The following KDM2A variants were observed in gnomAD, a reference collection of about 807,000 sequenced individuals.
KDM2A encodes lysine-specific demethylase 2A.
A neutral mutation model predicts 137.3 loss-of-function variants in KDM2A; 3 were observed. The observed-to-expected ratio is 0.02, with a 90% CI of 0.01 to 0.06. The LOEUF is 0.06. Among genes scored for constraint, KDM2A ranks in the 10% least tolerant of loss-of-function variants. KDM2A has a pLI of 1.00. For missense variants in KDM2A, 738 were observed against 1,510.6 expected (o/e 0.49, Z 8.48); for synonymous variants, 512 against 541.5 (o/e 0.95, Z 0.76).
intron 17 of KDM2A, among the ~76,000 whole-genome samples, chr11:67,251,228 A>C (rs1162448486): frequency 6.6e-6 from 1 of 152,062 alleles, no homozygotes; most frequent in Non-Finnish European, 1.5e-5. Flanking sequence ...TGACTCAATT[A>C]CCTCTCCATT....
In KDM2A at chr11:67,257,803, C is replaced by A. The variant is rs1239343095; in HGVS notation, c.*2748C>A. 1 of 152,048 alleles carries A rather than the reference C, an allele frequency of 6.6e-6. No individual in the cohort carries two copies. Among genetic ancestry groups the A allele is most frequent in the Non-Finnish European group, 1.5e-5 (1 of 68,020 alleles). The allele number at this position is 152,048 out of a possible 1,614,324, so 9.4% of individuals were successfully genotyped here. A position where few individuals can be genotyped will look rare whatever the true frequency, so the allele number is the denominator to read the frequency against. On this transcript the variant is annotated 3_prime_UTR_variant, in exon 21 of 21. Transcript: ENST00000529006. The stretch of plus-strand genomic sequence containing the variant: ...AAATGTAAGCATTAAGGGGATAAGT[C>A]TTATGCTATCTCAGTTGACACATTG...
intron 2 of KDM2A, among the ~76,000 whole-genome samples, chr11:67,176,281 A>G (rs1417368268): frequency 6.6e-6 from 1 of 152,118 alleles, no homozygotes; most frequent in African/African-American, 2.4e-5. Flanking sequence ...GCCCTTTCAC[A>G]GACTTCTACT....
At chr11:67,211,962 A>G (rs1044667160) in intron 6 of KDM2A, among the ~76,000 whole-genome samples, 3 of 152,156 alleles carry the variant, frequency 2.0e-5, no homozygotes, top group African/African-American at 7.2e-5. Flanking sequence ...AGACAAGAAA[A>G]TATGCATTTA....
intron 15 of KDM2A, among the ~76,000 whole-genome samples, chr11:67,246,503 G>A (rs1321944009): frequency 1.3e-5 from 2 of 151,872 alleles, no homozygotes; most frequent in Non-Finnish European, 2.9e-5. Flanking sequence ...GGAGAGTGAG[G>A]ATAATAATAT....
At chr11:67,197,165 C>G (rs1590772464) in intron 5 of KDM2A, 1 of 117,256 alleles carries the variant, frequency 8.5e-6, no homozygotes, top group Admixed American at 1.1e-4. Context: ...CAGACCTTAT[C>G]AGAAATAAAC....
At chr11:67,251,340 T>A (rs912410760) in intron 17 of KDM2A, among the ~76,000 whole-genome samples, 1 of 152,206 alleles carries the variant, frequency 6.6e-6, no homozygotes, top group African/African-American at 2.4e-5. Context: ...CAGAATTCCC[T>A]CTTCCAGCAA....
intron 2 of KDM2A, among the ~76,000 whole-genome samples, chr11:67,175,579 TC>T (rs1468784327): frequency 6.6e-6 from 1 of 152,198 alleles, no homozygotes; most frequent in Non-Finnish European, 1.5e-5. Flanking sequence ...CTTCCTTGTA[TC>T]CTTACATTCT....
At chr11:67,143,713 A>T (rs1286239829) in intron 2 of KDM2A, among the ~76,000 whole-genome samples, 1 of 151,726 alleles carries the variant, frequency 6.6e-6, no homozygotes, top group East Asian at 1.9e-4. Context: ...GCTCACTGCA[A>T]CCTCTGCCTC....
At chr11:67,198,897 G>C (rs1232490246) in intron 5 of KDM2A, among the ~76,000 whole-genome samples, 1 of 151,944 alleles carries the variant, frequency 6.6e-6, no homozygotes, top group African/African-American at 2.4e-5. Flanking sequence ...TCATGCCTCT[G>C]CCTCCCGAGT....
chr11:67,133,314 C>T (rs1855893535), intron 2 of KDM2A, among the ~76,000 whole-genome samples: 1 of 152,044 alleles, frequency 6.6e-6, no homozygotes, highest in Non-Finnish European at 1.5e-5. Flanking sequence ...GTTGGTCAGG[C>T]TGGTCTCAAA....
In KDM2A at chr11:67,256,024, C is replaced by A; in HGVS notation, c.*969C>A. The A allele has an allele frequency of 5.8e-6, 1 of 173,898 alleles. No homozygotes were observed. Among genetic ancestry groups the A allele is most frequent in the Non-Finnish European group, 1.2e-5 (1 of 80,902 alleles). The allele number at this position is 173,898 out of a possible 1,614,324, so 10.8% of individuals were successfully genotyped here. A position where few individuals can be genotyped will look rare whatever the true frequency, so the allele number is the denominator to read the frequency against. Reference sequence around the variant, plus strand: ...CAACCTGCCTCCCAGCCAGGCTCCTCCAGGCCTCTGGTTTAGCGGAGCCCC... The same window carrying A: ...CAACCTGCCTCCCAGCCAGGCTCCTACAGGCCTCTGGTTTAGCGGAGCCCC... On this transcript the variant is annotated 3_prime_UTR_variant, in exon 21 of 21. Transcript: ENST00000529006.
At chr11:67,156,147 C>G (rs756700546) in intron 2 of KDM2A, among the ~76,000 whole-genome samples, 1 of 150,646 alleles carries the variant, frequency 6.6e-6, no homozygotes, top group Non-Finnish European at 1.5e-5. Flanking sequence ...ACTTGGGAGG[C>G]TGAGGCAGAA....
chr11:67,223,200 A>G (rs1858422861), intron 10 of KDM2A, among the ~76,000 whole-genome samples: 1 of 151,798 alleles, frequency 6.6e-6, no homozygotes, highest in Non-Finnish European at 1.5e-5. Context: ...CTCAAAAAAA[A>G]AAAAAAAAAA....
intron 5 of KDM2A, among the ~76,000 whole-genome samples, chr11:67,202,997 C>T (rs1254072534): frequency 2.1e-5 from 3 of 143,062 alleles, no homozygotes; most frequent in Non-Finnish European, 3.0e-5. Context: ...CCTGTCCGTC[C>T]GCCGCCAAAA....
intron 12 of KDM2A, among the ~76,000 whole-genome samples, chr11:67,237,175 A>G (rs1858896030): frequency 6.6e-6 from 1 of 152,208 alleles, no homozygotes; most frequent in Non-Finnish European, 1.5e-5. Flanking sequence ...TTGTGATGTA[A>G]TAGGCTACTG....
Position 67,257,779 on chromosome 11 carries a change from A to T in KDM2A, c.*2724A>T, listed in dbSNP as rs1403935139. 6.6e-6 allele frequency: 1 copy of T among 152,134 alleles called. No homozygotes were observed. The highest frequency in any genetic ancestry group is 6.5e-5 in the Admixed American group (1 of 15,278). The allele number at this position is 152,134 out of a possible 1,614,324, so 9.4% of individuals were successfully genotyped here. On this transcript the variant is annotated 3_prime_UTR_variant, in exon 21 of 21. Coordinates refer to ENST00000529006, the MANE Select transcript of KDM2A (RefSeq NM_012308.3). ...ATGTTGTGCTAAAAAGTTTAAATTA[A>T]ATGTAAGCATTAAGGGGATAAGTCT...
chr11:67,242,167 G>A (rs1859063344), intron 12 of KDM2A, among the ~76,000 whole-genome samples: 1 of 152,116 alleles, frequency 6.6e-6, no homozygotes, highest in African/African-American at 2.4e-5. Flanking sequence ...AGCATTGTTC[G>A]TAAGTCATTT....
chr11:67,156,286 T>C (rs1283138194), intron 2 of KDM2A, among the ~76,000 whole-genome samples: 3 of 144,650 alleles, frequency 2.1e-5, no homozygotes, highest in African/African-American at 5.1e-5. Flanking sequence ...TAATATTTTA[T>C]AACATATGAA....
At chr11:67,251,258 G>GCTT (rs1401474408) in intron 17 of KDM2A, among the ~76,000 whole-genome samples, 4 of 152,210 alleles carry the variant, frequency 2.6e-5, no homozygotes, top group Admixed American at 2.0e-4. Flanking sequence ...AAGTGGGCAT[G>GCTT]CTTTTCAAGA....
Sources: gnomAD v4.1 joint callset for allele counts (sites outside exome capture counted in the v4.1 genomes callset) on GRCh38, gnomAD v4.1.1 for gene constraint, MANE v1.5 for transcripts, NCBI Gene and HGNC (gene_info 2026-07-23, HGNC 2026-07-21) for gene names.